The following MTUS2 variants were observed in gnomAD, a reference collection of about 807,000 sequenced individuals.
The protein encoded by MTUS2 is microtubule associated scaffold protein 2, also known as microtubule-associated tumor suppressor candidate 2.
A neutral mutation model predicts 114.1 loss-of-function variants in MTUS2; 40 were observed. The observed-to-expected ratio is 0.35, with a 90% CI of 0.27 to 0.46. The LOEUF (loss-of-function observed/expected upper bound fraction) is 0.46. Ranked by LOEUF, MTUS2 falls within the 20% of genes least tolerant of loss-of-function variation. The pLI is 1.00. For synonymous variants in MTUS2, 688 were observed against 672.0 expected (o/e 1.02, Z -0.37); for missense variants, 1,679 against 1,705.4 (o/e 0.98, Z 0.27).
chr13:29,112,391 T>C (rs137858189), intron 5 of MTUS2, among the ~76,000 whole-genome samples: 3 of 152,182 alleles, frequency 2.0e-5, no homozygotes, highest in Non-Finnish European at 4.4e-5. Context: ...GGGGCTGAGA[T>C]GTTTTGATAT....
chr13:28,873,155 C>T (rs1449661314), intron 2 of MTUS2, among the ~76,000 whole-genome samples: 1 of 152,182 alleles, frequency 6.6e-6, no homozygotes, highest in East Asian at 1.9e-4. Context: ...AGCTGTATTT[C>T]CCACAGACCC....
intron 8 of MTUS2, among the ~76,000 whole-genome samples, chr13:29,424,727 G>A (rs1876376228): frequency 6.6e-6 from 1 of 152,052 alleles, no homozygotes; most frequent in South Asian, 2.1e-4. Context: ...AAGGATGCAG[G>A]AACAGGTGAA....
At chr13:29,183,292 G>A (rs1242934385) in intron 5 of MTUS2, among the ~76,000 whole-genome samples, 1 of 151,970 alleles carries the variant, frequency 6.6e-6, no homozygotes, top group Non-Finnish European at 1.5e-5. Flanking sequence ...AGTCAACGAT[G>A]ATGACCAGGG....
In MTUS2 at chr13:29,161,297, G is replaced by A. The variant is rs982335785; in HGVS notation, c.2644+60327G>A. Among the ~76,000 whole-genome samples the A allele has an allele frequency of 2.6e-5, 4 of 152,266 alleles. No individual in the cohort carries two copies. In the Middle Eastern group the frequency reaches 0.01, roughly 388 times the overall value. Reference sequence around the variant, plus strand: ...ATGTTGCTACTGGGGGGAACTGAGTGTAGGGTGTAGAAGATTGCGCCGTAT... The same window carrying A: ...ATGTTGCTACTGGGGGGAACTGAGTATAGGGTGTAGAAGATTGCGCCGTAT... On this transcript the variant is annotated intron_variant, in intron 5 of 15. Transcript: ENST00000612955.
intron 8 of MTUS2, among the ~76,000 whole-genome samples, chr13:29,363,566 T>A (rs1433984332): frequency 1.3e-5 from 2 of 152,176 alleles, no homozygotes; most frequent in African/African-American, 4.8e-5. Flanking sequence ...AAATTTAATA[T>A]AGAATAGTGG....
At chr13:29,411,343 G>A (rs969587861) in intron 8 of MTUS2, among the ~76,000 whole-genome samples, 2 of 152,120 alleles carry the variant, frequency 1.3e-5, no homozygotes, top group African/African-American at 4.8e-5. Context: ...TTGTCTCAGC[G>A]ATTTAAGATG....
chr13:28,942,238 C>T lies in MTUS2; in HGVS notation c.-242-82219C>T, dbSNP rs181086609. Among the ~76,000 whole-genome samples the T allele has an allele frequency of 7.0e-4, 107 of 152,166 alleles. No individual in the cohort carries two copies. The Middle Eastern group carries it at 0.01, about 15-fold the overall frequency. ...TGGCCAATAAATAAAGATGCTCAAC[C>T]TCATTAGTCATCAGGGAAATGCAAC... On this transcript the variant is annotated intron_variant, in intron 2 of 15. Coordinates refer to ENST00000612955, the MANE Select transcript of MTUS2 (RefSeq NM_001033602.4).
chr13:29,431,954 C>T (rs997674115), intron 8 of MTUS2, among the ~76,000 whole-genome samples: 5 of 151,472 alleles, frequency 3.3e-5, no homozygotes, highest in Non-Finnish European at 7.4e-5. Flanking sequence ...AAACAATCTT[C>T]CCACCTCAGC....
chr13:29,225,317 A>T (rs891905597), intron 5 of MTUS2, among the ~76,000 whole-genome samples: 2 of 152,260 alleles, frequency 1.3e-5, no homozygotes, highest in Admixed American at 6.5e-5. Context: ...AGAGCAGAGG[A>T]TATACATCAT....
In MTUS2 at chr13:29,497,276, G is replaced by A. The variant is rs756778740; in HGVS notation, c.3618G>A (p.Leu1206=). The A allele has an allele frequency of 9.3e-6, 15 of 1,612,150 alleles. No individual in the cohort carries two copies. In the Admixed American group the frequency reaches 2.3e-4, roughly 25 times the overall value. The change falls in exon 13 of 16, where the codon CTG becomes CTA. Residue 1206 remains leucine, a synonymous_variant. Coordinates refer to ENST00000612955, the MANE Select transcript of MTUS2 (RefSeq NM_001033602.4). ...VDTLTFQSQS[L]RDRARRFEEA... ...CGCTGACCTTCCAGAGCCAGTCTCT[G>A]CGGGACAGAGCCCGCCGCTTCGAAG...
intron 2 of MTUS2, among the ~76,000 whole-genome samples, chr13:28,994,975 C>T (rs1245867441): frequency 2.0e-5 from 3 of 151,990 alleles, no homozygotes; most frequent in Admixed American, 1.3e-4. Flanking sequence ...AAGTCCTTGC[C>T]CATGCCTATG....
At chr13:29,433,555 C>A (rs1877170413) in intron 8 of MTUS2, among the ~76,000 whole-genome samples, 1 of 152,196 alleles carries the variant, frequency 6.6e-6, no homozygotes, top group South Asian at 2.1e-4. Flanking sequence ...GTCAATCCAC[C>A]TCCTATGGGA....
intron 2 of MTUS2, among the ~76,000 whole-genome samples, chr13:28,977,021 A>G (rs1241556447): frequency 6.6e-6 from 1 of 152,134 alleles, no homozygotes; most frequent in Admixed American, 6.5e-5. Context: ...GTTTGATGCC[A>G]TGGGAATATA....
At chr13:28,854,623 A>G (rs1294668886) in intron 2 of MTUS2, among the ~76,000 whole-genome samples, 1 of 152,216 alleles carries the variant, frequency 6.6e-6, no homozygotes, top group East Asian at 1.9e-4. Flanking sequence ...GCCTTGAAAA[A>G]TAATATATAC....
chr13:29,136,772 C>CT (rs1342328193), intron 5 of MTUS2, among the ~76,000 whole-genome samples: 3 of 152,144 alleles, frequency 2.0e-5, no homozygotes, highest in Admixed American at 2.0e-4. Flanking sequence ...GTGAGCCACT[C>CT]TAATTTGTTA....
intron 5 of MTUS2, among the ~76,000 whole-genome samples, chr13:29,206,805 CTG>C (rs1258501631): frequency 2.0e-5 from 3 of 152,144 alleles, no homozygotes; most frequent in Non-Finnish European, 4.4e-5. Context: ...GTTTTGGTGA[CTG>C]TATCCTTATA....
intron 5 of MTUS2, among the ~76,000 whole-genome samples, chr13:29,169,879 A>G (rs1893480605): frequency 2.0e-5 from 3 of 152,332 alleles, no homozygotes; most frequent in South Asian, 4.1e-4. Flanking sequence ...GACATTTTGC[A>G]TCTGCCTTTC....
intron 5 of MTUS2, among the ~76,000 whole-genome samples, chr13:29,130,076 C>A (rs892996865): frequency 2.0e-5 from 3 of 152,030 alleles, no homozygotes; most frequent in Admixed American, 6.5e-5. Flanking sequence ...TTGTCTTGGT[C>A]ATATGGAGGA....
intron 8 of MTUS2, among the ~76,000 whole-genome samples, chr13:29,397,316 C>T (rs1423996886): frequency 6.6e-6 from 1 of 152,170 alleles, no homozygotes; most frequent in Non-Finnish European, 1.5e-5. Flanking sequence ...AGCTCTCATC[C>T]CTTCCTCCTG....
Sources: gnomAD v4.1 joint callset for allele counts (sites outside exome capture counted in the v4.1 genomes callset) on GRCh38, gnomAD v4.1.1 for gene constraint, MANE v1.5 for transcripts, NCBI Gene and HGNC (gene_info 2026-07-23, HGNC 2026-07-21) for gene names.